Variants in GPC6 observed in about 807,000 individuals in gnomAD.
GPC6 encodes glypican-6.
Under a neutral mutation model 55.2 loss-of-function variants are expected in GPC6, and 14 were observed. That is an observed-to-expected ratio of 0.25 (90% CI 0.17 to 0.40). The LOEUF (loss-of-function observed/expected upper bound fraction) is 0.40. GPC6 is among the 10% of genes least tolerant of loss of function. The pLI, the probability that GPC6 is intolerant of heterozygous loss-of-function variation, is 1.00. For missense variants in GPC6, 641 were observed against 708.5 expected, an observed-to-expected ratio of 0.90 and a Z score of 1.08; for synonymous variants, 278 against 259.6, an observed-to-expected ratio of 1.07 and a Z score of -0.68.
chr13:94,332,516 A>C (rs530753284), intron 6 of GPC6, among the ~76,000 whole-genome samples: 1 of 152,224 alleles, frequency 6.6e-6, no homozygotes, highest in Non-Finnish European at 1.5e-5. Flanking sequence ...GTCTCTGTAC[A>C]TAGTTTTTGT....
At chr13:94,271,087 T>C (rs1161447772) in intron 4 of GPC6, among the ~76,000 whole-genome samples, 1 of 144,814 alleles carries the variant, frequency 6.9e-6, no homozygotes, top group Non-Finnish European at 1.5e-5. Context: ...GCTTCCCAGG[T>C]TCATGCCATT....
chr13:94,057,441 GTTGC>G (rs1432295403), intron 4 of GPC6, among the ~76,000 whole-genome samples: 1 of 152,154 alleles, frequency 6.6e-6, no homozygotes, highest in African/African-American at 2.4e-5. Context: ...TGTGTTTGCT[GTTGC>G]AGTGCTAACT....
At chr13:93,347,582 A>G (rs538357831) in intron 1 of GPC6, among the ~76,000 whole-genome samples, 19 of 152,228 alleles carry the variant, frequency 1.2e-4, no homozygotes, top group African/African-American at 4.6e-4. Context: ...AATGCTTCCT[A>G]TATCATGCCC....
At chr13:94,092,556 C>T (rs1885526792) in intron 4 of GPC6, among the ~76,000 whole-genome samples, 2 of 151,882 alleles carry the variant, frequency 1.3e-5, no homozygotes, top group South Asian at 2.1e-4. Context: ...AGATTGATTC[C>T]GTCTCTTGGG....
chr13:94,397,713 T>C (rs1880951214), intron 7 of GPC6, among the ~76,000 whole-genome samples: 1 of 152,212 alleles, frequency 6.6e-6, no homozygotes, highest in African/African-American at 2.4e-5. Context: ...CAGTTCTTAC[T>C]ACCAAAATTA....
At chr13:93,626,249 G>C (rs1323310473) in intron 2 of GPC6, among the ~76,000 whole-genome samples, 1 of 152,128 alleles carries the variant, frequency 6.6e-6, no homozygotes, top group African/African-American at 2.4e-5. Context: ...TTAAATATGA[G>C]ACGTCTTGTT....
At chr13:93,417,546 A>G (rs1876745191) in intron 1 of GPC6, among the ~76,000 whole-genome samples, 1 of 152,066 alleles carries the variant, frequency 6.6e-6, no homozygotes, top group Admixed American at 6.6e-5. Context: ...TCCTGTGCTG[A>G]ATTACTTCTT....
intron 2 of GPC6, among the ~76,000 whole-genome samples, chr13:93,739,990 G>A (rs1453370065): frequency 6.6e-6 from 1 of 152,102 alleles, no homozygotes; most frequent in Non-Finnish European, 1.5e-5. Context: ...AGTCAGAGAA[G>A]GCTTCACTGA....
chr13:93,917,514 G>C (rs1349475088), intron 3 of GPC6, among the ~76,000 whole-genome samples: 1 of 152,250 alleles, frequency 6.6e-6, no homozygotes, highest in African/African-American at 2.4e-5. Flanking sequence ...GTCTCCTAAG[G>C]TGCCATTTTG....
chr13:93,798,508 T>C (rs1594466771), intron 2 of GPC6, among the ~76,000 whole-genome samples: 1 of 152,206 alleles, frequency 6.6e-6, no homozygotes, highest in Admixed American at 6.5e-5. Context: ...GTGCAAATCA[T>C]GCATTTGCTG....
intron 1 of GPC6, among the ~76,000 whole-genome samples, chr13:93,504,110 G>A (rs143926328): frequency 2.0e-3 from 310 of 152,072 alleles, no homozygotes; most frequent in African/African-American, 7.1e-3. Context: ...AGGTACTGGC[G>A]GGTTTTGAGT....
chr13:93,310,234 A>G (rs1566292141), intron 1 of GPC6, among the ~76,000 whole-genome samples: 2 of 152,166 alleles, frequency 1.3e-5, no homozygotes, highest in South Asian at 2.1e-4. Flanking sequence ...GTATTTTTCA[A>G]TGCTCAGGAA....
At chr13:93,434,963 C>T (rs1480021689) in intron 1 of GPC6, among the ~76,000 whole-genome samples, 2 of 152,120 alleles carry the variant, frequency 1.3e-5, no homozygotes, top group African/African-American at 4.8e-5. Context: ...CCTTGGCCTC[C>T]CAAAGTGCTG....
intron 2 of GPC6, among the ~76,000 whole-genome samples, chr13:93,592,027 AG>A (rs1877514155): frequency 6.6e-6 from 1 of 152,202 alleles, no homozygotes; most frequent in Admixed American, 6.5e-5. Flanking sequence ...ATATTTTTAA[AG>A]GATTTTACAT....
In GPC6 at chr13:94,382,446, T is replaced by C. The variant is rs1055175128; in HGVS notation, c.1185T>C (p.Ser395=). The C allele has an allele frequency of 1.2e-6, 2 of 1,614,084 alleles. No individual in the cohort carries two copies. The highest frequency in any genetic ancestry group is 2.2e-5 in the East Asian group (1 of 44,876). The part of the protein sequence containing the change: ...VTDIKEKLKL[S]KKVWSALPYT... ...ACATAAAAGAGAAATTGAAGCTCTC[T>C]AAAAAGGTCTGGTCAGCATTACCCT... Residue 395 remains serine, a synonymous_variant, in exon 7 of 9, where the codon TCT becomes TCC. Coordinates refer to ENST00000377047, the MANE Select transcript of GPC6 (RefSeq NM_005708.5).
chr13:93,313,610 G>T (rs1879145681), intron 1 of GPC6, among the ~76,000 whole-genome samples: 1 of 152,032 alleles, frequency 6.6e-6, no homozygotes, highest in Non-Finnish European at 1.5e-5. Context: ...ATAGTTTCCT[G>T]TGTATACCCT....
intron 2 of GPC6, among the ~76,000 whole-genome samples, chr13:93,671,923 C>A (rs184734062): frequency 3.9e-4 from 60 of 152,144 alleles, no homozygotes; most frequent in African/African-American, 1.4e-3. Flanking sequence ...GGGGACACTA[C>A]AATGACCTAT....
At chr13:93,664,483 CT>C (rs1448156487) in intron 2 of GPC6, among the ~76,000 whole-genome samples, 8 of 152,142 alleles carry the variant, frequency 5.3e-5, no homozygotes, top group Non-Finnish European at 1.2e-4. Flanking sequence ...AGATGGATGG[CT>C]TTTTAGAAAA....
chr13:93,336,817 G>A (rs1880061566), intron 1 of GPC6, among the ~76,000 whole-genome samples: 1 of 152,164 alleles, frequency 6.6e-6, no homozygotes, highest in South Asian at 2.1e-4. Flanking sequence ...TCCTCACTTG[G>A]TGGTAGGGAA....
Sources: allele counts gnomAD v4.1 joint callset (sites outside exome capture counted in the v4.1 genomes callset), GRCh38; gene constraint gnomAD v4.1.1; transcripts MANE v1.5; gene names NCBI Gene and HGNC (gene_info 2026-07-23, HGNC 2026-07-21).